ACTR3: variants seen among roughly 807,000 people sequenced by gnomAD.
ACTR3 encodes the protein actin-related protein 3.
ACTR3 carries 12 observed loss-of-function variants against 56.8 expected under a neutral mutation model. That is an observed-to-expected ratio of 0.21 (90% confidence interval 0.14 to 0.34). ACTR3 has a LOEUF of 0.34. ACTR3 is among the 10% of genes least tolerant of loss of function. ACTR3 has a pLI of 1.00. For synonymous variants in ACTR3, 162 were observed against 167.4 expected, an observed-to-expected ratio of 0.97 and a Z score of 0.25; for missense variants, 282 against 512.5, an observed-to-expected ratio of 0.55 and a Z score of 4.34.
chr2:113,937,345 A>G (rs569469017), intron 6 of ACTR3, among the ~76,000 whole-genome samples: 83 of 152,218 alleles, frequency 5.5e-4, no homozygotes, highest in African/African-American at 2.0e-3. Flanking sequence ...CCCTCAAGTG[A>G]TCCACCTGCC....
At chr2:113,922,289 A>G (rs1379079200) in intron 3 of ACTR3, among the ~76,000 whole-genome samples, 2 of 152,240 alleles carry the variant, frequency 1.3e-5, no homozygotes, top group Non-Finnish European at 2.9e-5. Context: ...AACAGGAAAG[A>G]TAAGGTATAA....
At chr2:113,945,396 C>A (rs755027496) in intron 8 of ACTR3, among the ~76,000 whole-genome samples, 2 of 152,146 alleles carry the variant, frequency 1.3e-5, no homozygotes, top group Non-Finnish European at 2.9e-5. Context: ...GGAGCTGTTT[C>A]TTGATATGTC....
chr2:113,956,803 T>C (rs1486800), intron 11 of ACTR3, among the ~76,000 whole-genome samples: 45,290 of 152,114 alleles, frequency 0.3, 11,091 homozygotes, highest in African/African-American at 0.67. Context: ...AAGTTATTTT[T>C]TTCCTCAATT....
intron 6 of ACTR3, among the ~76,000 whole-genome samples, chr2:113,936,561 C>T (rs893599106): frequency 1.3e-5 from 2 of 152,120 alleles, no homozygotes; most frequent in African/African-American, 4.8e-5. Context: ...AATTATACAA[C>T]AGCTTTGACC....
chr2:113,959,154 C>T lies in ACTR3; in HGVS notation c.*1699C>T, dbSNP rs1193241536. On this transcript the variant is annotated 3_prime_UTR_variant, in exon 12 of 12. Transcript: ENST00000263238. The stretch of plus-strand genomic sequence containing the variant: ...GCAAAAGTAAGTTTTTTTCCCTAGC[C>T]TGTCTCATTTTTCCATCATTACACA... 1.3e-5 allele frequency: 2 copies of T among 151,934 alleles called. No homozygotes were observed. The highest frequency in any genetic ancestry group is 2.9e-5 in the Non-Finnish European group (2 of 67,880). The allele number at this position is 151,934 out of a possible 1,614,324, so 9.4% of individuals were successfully genotyped here.
chr2:113,896,229 G>A (rs1472122039), intron 1 of ACTR3, among the ~76,000 whole-genome samples: 1 of 152,102 alleles, frequency 6.6e-6, no homozygotes, highest in African/African-American at 2.4e-5. Context: ...CACACAGTAA[G>A]GGCACAATAT....
In ACTR3 at chr2:113,915,967, A is replaced by G. The variant is rs80127987; in HGVS notation, c.101-917A>G. Among the ~76,000 whole-genome samples the G allele has an allele frequency of 9.3e-4, 142 of 152,332 alleles. 1 individual carries two copies. The East Asian group carries it at 0.02, about 21-fold the overall frequency. ...CTGGAAAGCCTGTGCAAGTGGTTCA[A>G]GGTTTTTTTTATATACATGCATATT... is the stretch of plus-strand genomic sequence containing the variant. On this transcript the variant is annotated intron_variant, in intron 2 of 11. Transcript: ENST00000263238.
chr2:113,933,498 ACT>A (rs944716583), intron 5 of ACTR3, among the ~76,000 whole-genome samples: 12 of 151,040 alleles, frequency 7.9e-5, no homozygotes, highest in African/African-American at 2.9e-4. Context: ...ACAGAAAGAA[ACT>A]CTGTCTCAAA....
At chr2:113,912,314 T>A (rs1454948708) in intron 1 of ACTR3, among the ~76,000 whole-genome samples, 17 of 152,318 alleles carry the variant, frequency 1.1e-4, no homozygotes, top group African/African-American at 3.9e-4. Flanking sequence ...TTACATTCTC[T>A]TTAAAGCCTG....
intron 4 of ACTR3, among the ~76,000 whole-genome samples, chr2:113,930,919 G>A (rs1313433333): frequency 6.6e-6 from 1 of 152,088 alleles, no homozygotes; most frequent in Admixed American, 6.5e-5. Flanking sequence ...CTCTCCCACT[G>A]GCAAATACCA....
intron 8 of ACTR3, among the ~76,000 whole-genome samples, chr2:113,948,350 A>G (rs1286912439): frequency 5.3e-5 from 8 of 152,042 alleles, no homozygotes; most frequent in Non-Finnish European, 7.4e-5. Flanking sequence ...GGGTTTTGCC[A>G]TGTTGCCCAG....
intron 5 of ACTR3, among the ~76,000 whole-genome samples, chr2:113,933,355 A>G (rs1679757783): frequency 6.6e-6 from 1 of 152,036 alleles, no homozygotes; most frequent in Non-Finnish European, 1.5e-5. Context: ...CTGAAAATAC[A>G]AAAATTAGCC....
chr2:113,948,389 A>G (rs550270917), intron 8 of ACTR3, among the ~76,000 whole-genome samples: 3 of 152,212 alleles, frequency 2.0e-5, no homozygotes, highest in South Asian at 2.1e-4. Context: ...GGCTCGAGCA[A>G]TTCACCCATC....
rs1246807504 is a variant in ACTR3, at chr2:113,913,154, A to C, written c.45-18A>C. The C allele has an allele frequency of 1.3e-6, 2 of 1,495,302 alleles. No individual in the cohort carries two copies. The highest frequency in any genetic ancestry group is 2.8e-5 in the African/African-American group (2 of 70,572). 92.6% of individuals were successfully genotyped at this position (1,495,302 alleles called of 1,614,324 possible). ...CTAAAATATTAGTGAAATCTTTATA[A>C]ATTATTTTGTTTTGCAGGTATACAA... is the stretch of plus-strand genomic sequence containing the variant. On this transcript the variant is annotated intron_variant, in intron 1 of 11. Transcript: ENST00000263238.
At chr2:113,909,874 CA>C (rs956029409) in intron 1 of ACTR3, among the ~76,000 whole-genome samples, 23 of 152,084 alleles carry the variant, frequency 1.5e-4, no homozygotes, top group African/African-American at 5.5e-4. Context: ...TTACAATGAA[CA>C]ATTTTACAGA....
chr2:113,893,689 T>C (rs1678951147), intron 1 of ACTR3, among the ~76,000 whole-genome samples: 1 of 152,222 alleles, frequency 6.6e-6, no homozygotes, highest in African/African-American at 2.4e-5. Context: ...TATCGTAGCT[T>C]GGTTACAGAG....
At position 113,914,614 on chromosome 2, in the gene ACTR3, CAAAAAAAAA is replaced by C. The variant is rs55784117; in HGVS notation, c.100+1398_100+1406del. 5.6e-3 allele frequency among the ~76,000 whole-genome samples: 389 copies of C among 69,226 alleles called. 5 individuals carry two copies. The highest frequency in any genetic ancestry group is 0.016 in the African/African-American group (374 of 23,608). 45.4% of individuals were successfully genotyped at this position (69,226 alleles called of 152,430 possible). A position where few individuals can be genotyped will look rare whatever the true frequency, so the allele number is the denominator to read the frequency against. On this transcript the variant is annotated intron_variant, in intron 2 of 11. Transcript: ENST00000263238. ...GGGGTGACAGAGCAAGACTCAGTCTCAAAAAAAAAAAAAAAAAAAGAAAGAAAAAGAAAA... is the reference window on the plus strand; with the variant it reads ...GGGGTGACAGAGCAAGACTCAGTCTCAAAAAAAAAAGAAAGAAAAAGAAAA...
At chr2:113,937,297 G>A (rs1017035305) in intron 6 of ACTR3, among the ~76,000 whole-genome samples, 2 of 152,044 alleles carry the variant, frequency 1.3e-5, no homozygotes, top group African/African-American at 4.8e-5. Context: ...GTAGAGACGG[G>A]GTTTCACCAT....
chr2:113,900,537 G>C (rs1171763211), intron 1 of ACTR3, among the ~76,000 whole-genome samples: 1 of 152,160 alleles, frequency 6.6e-6, no homozygotes, highest in African/African-American at 2.4e-5. Context: ...GATAAAGGAA[G>C]GCCTATGGAT....
Sources: gnomAD v4.1 joint callset for allele counts (sites outside exome capture counted in the v4.1 genomes callset) on GRCh38, gnomAD v4.1.1 for gene constraint, MANE v1.5 for transcripts, NCBI Gene and HGNC (gene_info 2026-07-23, HGNC 2026-07-21) for gene names.